The following SNX29 variants were observed in gnomAD, a reference collection of about 807,000 sequenced individuals.
SNX29 encodes the protein sorting nexin 29, also known as sorting nexin-29.
Under a neutral mutation model 102.1 loss-of-function variants are expected in SNX29, and 78 were observed. The observed-to-expected ratio is 0.76, with a 90% CI of 0.64 to 0.92. The LOEUF (loss-of-function observed/expected upper bound fraction) is 0.92, where lower values mean the gene tolerates loss of function less well. Among genes scored for constraint, SNX29 ranks in the 40% least tolerant of loss-of-function variants. The pLI, the probability that SNX29 is intolerant of heterozygous loss-of-function variation, is 0.00. For synonymous variants in SNX29, 580 were observed against 414.5 expected (o/e 1.40, Z -4.85); for missense variants, 1,280 against 1,061.7 (o/e 1.21, Z -2.86).
At chr16:12,353,954 T>G (rs1416008620) in intron 15 of SNX29, among the ~76,000 whole-genome samples, 3 of 152,180 alleles carry the variant, frequency 2.0e-5, no homozygotes, top group Admixed American at 2.0e-4. Context: ...CTGTGGGTGT[T>G]GAAAAATAAG....
At position 12,091,023 on chromosome 16, in the gene SNX29, AAAAAAAAAAAAAAAAG is replaced by A. The variant is rs1443886265; in HGVS notation, c.1402+12112_1402+12127del. 2.4e-3 allele frequency among the ~76,000 whole-genome samples: 320 copies of A among 133,494 alleles called. 4 individuals carry two copies. Among genetic ancestry groups the A allele is most frequent in the Middle Eastern group, 7.6e-3 (2 of 262 alleles). 87.6% of individuals were successfully genotyped at this position (133,494 alleles called of 152,430 possible). A position where few individuals can be genotyped will look rare whatever the true frequency, so the allele number is the denominator to read the frequency against. Reference sequence around the variant, plus strand: ...GAGTGAGACTTCATCTCAAAAAAAAAAAAAAAAAAAAAAAAGAAAGAAAAAGAAAAAAGAGCGCCTG... The same window carrying A: ...GAGTGAGACTTCATCTCAAAAAAAAAAAAGAAAAAGAAAAAAGAGCGCCTG... On this transcript the variant is annotated intron_variant, in intron 11 of 20. Transcript: ENST00000566228.
chr16:12,439,909 C>A (rs548193103), intron 18 of SNX29, among the ~76,000 whole-genome samples: 1 of 152,200 alleles, frequency 6.6e-6, no homozygotes, highest in African/African-American at 2.4e-5. Context: ...TCCTGGCTCT[C>A]CCTGAGTATC....
chr16:12,532,065 A>G (rs1196396282), intron 20 of SNX29, among the ~76,000 whole-genome samples: 1 of 152,220 alleles, frequency 6.6e-6, no homozygotes, highest in Non-Finnish European at 1.5e-5. Flanking sequence ...GTCGCCGTTT[A>G]CAGGAACCAG....
intron 1 of SNX29, among the ~76,000 whole-genome samples, chr16:11,986,318 CAT>C (rs1331213194): frequency 3.1e-4 from 45 of 147,106 alleles, no homozygotes; most frequent in Non-Finnish European, 5.9e-5. Context: ...CACTCCATCT[CAT>C]TTTTCTTCGC....
chr16:12,570,606 C>T lies in SNX29; in HGVS notation c.*1977C>T, dbSNP rs144882460. ...CCTGGGTAGCTACCCTGGAGGTCATCTCCCTGTTCTCTGTTGGATAAAGGA... is the reference window on the plus strand; with the variant it reads ...CCTGGGTAGCTACCCTGGAGGTCATTTCCCTGTTCTCTGTTGGATAAAGGA... On this transcript the variant is annotated 3_prime_UTR_variant, in exon 21 of 21. Coordinates refer to ENST00000566228, the MANE Select transcript of SNX29 (RefSeq NM_032167.5). 1 of 232,146 alleles carries T rather than the reference C, an allele frequency of 4.3e-6. No homozygotes were observed. Among genetic ancestry groups the T allele is most frequent in the Non-Finnish European group, 8.5e-6 (1 of 117,456 alleles). The allele number at this position is 232,146 out of a possible 1,614,324, so 14.4% of individuals were successfully genotyped here.
At chr16:12,464,301 A>C (rs2086952771) in intron 18 of SNX29, among the ~76,000 whole-genome samples, 2 of 152,166 alleles carry the variant, frequency 1.3e-5, no homozygotes, top group South Asian at 4.2e-4. Flanking sequence ...ATATATAGAC[A>C]CACCACATTT....
chr16:12,538,933 G>A (rs1328364945), intron 20 of SNX29, among the ~76,000 whole-genome samples: 1 of 152,188 alleles, frequency 6.6e-6, no homozygotes, highest in Non-Finnish European at 1.5e-5. Context: ...GTGGCTGTGG[G>A]CATGTAGCAG....
intron 20 of SNX29, among the ~76,000 whole-genome samples, chr16:12,561,524 T>G (rs1256638148): frequency 6.6e-6 from 1 of 152,044 alleles, no homozygotes; most frequent in Non-Finnish European, 1.5e-5. Flanking sequence ...AAGTGAAAAG[T>G]TAGTCTCTCC....
intron 20 of SNX29, among the ~76,000 whole-genome samples, chr16:12,554,817 C>A (rs984521369): frequency 6.6e-6 from 1 of 152,178 alleles, no homozygotes; most frequent in Non-Finnish European, 1.5e-5. Context: ...GTATTGAGCA[C>A]CTGCTCTGTG....
chr16:12,112,116 TGCTGGGTGAA>T (rs2053524737), intron 11 of SNX29, among the ~76,000 whole-genome samples: 1 of 152,218 alleles, frequency 6.6e-6, no homozygotes, highest in Non-Finnish European at 1.5e-5. Flanking sequence ...TGGAGTTTAC[TGCTGGGTGAA>T]GCTGGGTCAA....
chr16:12,143,853 G>T (rs531090656), intron 13 of SNX29, among the ~76,000 whole-genome samples: 26 of 152,252 alleles, frequency 1.7e-4, no homozygotes, highest in African/African-American at 6.0e-4. Context: ...GTCACCTGGG[G>T]AGCTTTTAAA....
intron 13 of SNX29, among the ~76,000 whole-genome samples, chr16:12,143,272 C>T (rs2054931000): frequency 2.6e-5 from 4 of 152,194 alleles, no homozygotes; most frequent in Admixed American, 1.3e-4. Context: ...GCTGGGATTA[C>T]AGGCATGAGC....
intron 16 of SNX29, among the ~76,000 whole-genome samples, chr16:12,377,572 C>G (rs969519176): frequency 2.6e-5 from 4 of 152,196 alleles, no homozygotes; most frequent in Admixed American, 2.0e-4. Context: ...CTTGATCACT[C>G]AACGGGTAGG....
intron 18 of SNX29, among the ~76,000 whole-genome samples, chr16:12,417,558 T>G (rs78832252): frequency 0.023 from 3,562 of 152,168 alleles, 144 homozygotes; most frequent in African/African-American, 0.081. Context: ...CTTTTCTCTT[T>G]CTGTTTCCCT....
At chr16:12,053,975 T>TG (rs2050414307) in intron 8 of SNX29, among the ~76,000 whole-genome samples, 1 of 151,034 alleles carries the variant, frequency 6.6e-6, no homozygotes, top group Non-Finnish European at 1.5e-5. Flanking sequence ...CAGTTTTTGT[T>TG]TTTTTTTTTT....
chr16:12,304,756 A>G lies in SNX29; in HGVS notation c.1782+26720A>G, dbSNP rs115511290. Among the ~76,000 whole-genome samples, 1,366 of 152,248 alleles carry G rather than the reference A, an allele frequency of 9.0e-3. 24 individuals carry two copies. Among genetic ancestry groups the G allele is most frequent in the African/African-American group, 0.031 (1,287 of 41,540 alleles). On this transcript the variant is annotated intron_variant, in intron 15 of 20. Coordinates refer to ENST00000566228, the MANE Select transcript of SNX29 (RefSeq NM_032167.5). Reference sequence around the variant, plus strand: ...TCCTCACTTAAGAATATTACTCCATAATTCACTTGTTTATATAAGTGGCCA... The same window carrying G: ...TCCTCACTTAAGAATATTACTCCATGATTCACTTGTTTATATAAGTGGCCA...
At chr16:12,487,994 A>G (rs905111091) in intron 19 of SNX29, among the ~76,000 whole-genome samples, 3 of 152,172 alleles carry the variant, frequency 2.0e-5, no homozygotes, top group Non-Finnish European at 4.4e-5. Flanking sequence ...TCATCTTGCC[A>G]GAAAAAAAAC....
chr16:12,419,150 G>T, intron 18 of SNX29, among the ~76,000 whole-genome samples: 1 of 152,122 alleles, frequency 6.6e-6, no homozygotes, highest in Admixed American at 6.5e-5. Flanking sequence ...GTTTAGTTCC[G>T]ATGTTTCTCC....
intron 20 of SNX29, among the ~76,000 whole-genome samples, chr16:12,552,992 G>C (rs1318484517): frequency 6.6e-6 from 1 of 152,232 alleles, no homozygotes; most frequent in Non-Finnish European, 1.5e-5. Context: ...CTGTCTGAGG[G>C]GCTGAAATCA....
Sources: allele counts gnomAD v4.1 joint callset (sites outside exome capture counted in the v4.1 genomes callset), GRCh38; gene constraint gnomAD v4.1.1; transcripts MANE v1.5; gene names NCBI Gene and HGNC (gene_info 2026-07-23, HGNC 2026-07-21).